EFCAB11: variants seen among roughly 807,000 people sequenced by gnomAD.
The protein encoded by EFCAB11 is EF-hand calcium binding domain 11.
EFCAB11 carries 14 observed loss-of-function variants against 23.0 expected under a neutral mutation model. The ratio of observed to expected loss-of-function variants is 0.61; its 90% CI spans 0.40 to 0.95. The LOEUF (loss-of-function observed/expected upper bound fraction) is 0.95, where lower values mean the gene tolerates loss of function less well. EFCAB11 is among the 40% of genes least tolerant of loss of function. EFCAB11 has a pLI of 0.00. For missense variants in EFCAB11, 198 were observed against 195.8 expected (o/e 1.01, Z -0.07); for synonymous variants, 65 against 66.6 (o/e 0.98, Z 0.11).
intron 3 of EFCAB11, among the ~76,000 whole-genome samples, chr14:89,942,375 G>T (rs1398455104): frequency 6.6e-6 from 1 of 152,038 alleles, no homozygotes; most frequent in Non-Finnish European, 1.5e-5. Context: ...TACTGTAAAA[G>T]GATTTTGCCA....
At chr14:89,951,494 A>C (rs984646066) in intron 2 of EFCAB11, among the ~76,000 whole-genome samples, 8 of 152,076 alleles carry the variant, frequency 5.3e-5, no homozygotes, top group Admixed American at 5.2e-4. Flanking sequence ...GGTATCTATC[A>C]CAGTTTTATG....
intron 5 of EFCAB11, among the ~76,000 whole-genome samples, chr14:89,810,305 T>C (rs1292927674): frequency 6.6e-6 from 1 of 152,224 alleles, no homozygotes; most frequent in East Asian, 1.9e-4. Flanking sequence ...TGTTGGCACT[T>C]TTCCTTCCGT....
At chr14:89,899,453 G>A (rs1889276283) in intron 5 of EFCAB11, among the ~76,000 whole-genome samples, 1 of 152,036 alleles carries the variant, frequency 6.6e-6, no homozygotes, top group Admixed American at 6.6e-5. Context: ...ACAGTCCCAG[G>A]CTTTTTTCTT....
Position 89,932,636 on chromosome 14 carries a change from T to C in EFCAB11, c.218-9A>G, listed in dbSNP as rs1182397353. On this transcript the variant is annotated splice_polypyrimidine_tract_variant and intron_variant, in intron 3 of 5. Transcript: ENST00000316738. ...CCCCTCGAGTAATATACCTAAAAGT[T>C]GGGGAAAAAACAATTTGTCAAAGAT... is the stretch of plus-strand genomic sequence containing the variant. The C allele has an allele frequency of 6.2e-7, 1 of 1,603,710 alleles. No individual in the cohort carries two copies. The highest frequency in any genetic ancestry group is 2.2e-5 in the East Asian group (1 of 44,744).
chr14:89,834,519 A>T (rs2140119019), intron 5 of EFCAB11, among the ~76,000 whole-genome samples: 1 of 152,196 alleles, frequency 6.6e-6, no homozygotes, highest in South Asian at 2.1e-4. Flanking sequence ...TGGGAGTGCA[A>T]GGAATTAGAA....
At chr14:89,876,606 G>C (rs1262701651) in intron 5 of EFCAB11, among the ~76,000 whole-genome samples, 1 of 152,032 alleles carries the variant, frequency 6.6e-6, no homozygotes, top group African/African-American at 2.4e-5. Flanking sequence ...TATTATGAAG[G>C]GTTCAGTTGG....
At chr14:89,859,029 A>G (rs1434338422) in intron 5 of EFCAB11, among the ~76,000 whole-genome samples, 1 of 152,178 alleles carries the variant, frequency 6.6e-6, no homozygotes, top group African/African-American at 2.4e-5. Context: ...TTAAGAAACA[A>G]TTTAAAATAA....
At chr14:89,935,734 T>A (rs1890558089) in intron 3 of EFCAB11, among the ~76,000 whole-genome samples, 1 of 152,142 alleles carries the variant, frequency 6.6e-6, no homozygotes, top group Non-Finnish European at 1.5e-5. Flanking sequence ...ATTAGCCAGG[T>A]GCGGTAGCTC....
intron 5 of EFCAB11, among the ~76,000 whole-genome samples, chr14:89,878,234 G>A (rs1888500335): frequency 6.6e-6 from 1 of 152,040 alleles, no homozygotes; most frequent in African/African-American, 2.4e-5. Flanking sequence ...TGGTATGTGG[G>A]GTTTGTATTG....
intron 5 of EFCAB11, among the ~76,000 whole-genome samples, chr14:89,925,973 T>C (rs555204761): frequency 4.1e-4 from 63 of 152,034 alleles, no homozygotes; most frequent in Non-Finnish European, 6.9e-4. Flanking sequence ...GGATTACAGG[T>C]ATGCACCACC....
At chr14:89,879,503 A>C (rs901300162) in intron 5 of EFCAB11, among the ~76,000 whole-genome samples, 1 of 152,152 alleles carries the variant, frequency 6.6e-6, no homozygotes, top group Non-Finnish European at 1.5e-5. Flanking sequence ...ACACAAAAAA[A>C]AACATAAACA....
At chr14:89,884,750 T>G (rs1888700794) in intron 5 of EFCAB11, among the ~76,000 whole-genome samples, 1 of 152,252 alleles carries the variant, frequency 6.6e-6, no homozygotes, top group Non-Finnish European at 1.5e-5. Flanking sequence ...CTGCTCTAAA[T>G]TCTGTGTCGA....
chr14:89,820,326 A>G (rs933053700), intron 5 of EFCAB11, among the ~76,000 whole-genome samples: 4 of 152,158 alleles, frequency 2.6e-5, no homozygotes, highest in African/African-American at 7.2e-5. Flanking sequence ...CACCAAAGAG[A>G]CAAAGAAACT....
In EFCAB11 at chr14:89,917,190, A is replaced by G. The variant is rs937081435; in HGVS notation, c.410+14351T>C. Among the ~76,000 whole-genome samples, 3 of 151,938 alleles carry G rather than the reference A, an allele frequency of 2.0e-5. No homozygotes were observed. The East Asian group carries it at 5.8e-4, about 29-fold the overall frequency. On this transcript the variant is annotated intron_variant, in intron 5 of 5. Coordinates refer to ENST00000316738, the MANE Select transcript of EFCAB11 (RefSeq NM_145231.4). ...TAGTTACCATGCTGTACACTAGATC[A>G]CTAGAATTCATTCACCCTGTAACTA...
chr14:89,885,962 A>G (rs1218085895), intron 5 of EFCAB11, among the ~76,000 whole-genome samples: 1 of 151,978 alleles, frequency 6.6e-6, no homozygotes, highest in African/African-American at 2.4e-5. Flanking sequence ...TAGCCAAGAT[A>G]ATTCTGAAGA....
At chr14:89,854,624 T>C (rs1887695559) in intron 5 of EFCAB11, among the ~76,000 whole-genome samples, 1 of 152,140 alleles carries the variant, frequency 6.6e-6, no homozygotes, top group African/African-American at 2.4e-5. Flanking sequence ...CATTTCTTGA[T>C]AAAATATCTT....
intron 5 of EFCAB11, among the ~76,000 whole-genome samples, chr14:89,913,204 G>GC (rs1889735237): frequency 6.6e-6 from 1 of 152,206 alleles, no homozygotes; most frequent in African/African-American, 2.4e-5. Context: ...TCAGCTCTGA[G>GC]ATGGAAGTAG....
At chr14:89,836,807 C>CTAG in intron 5 of EFCAB11, 1 of 390,138 alleles carries the variant, frequency 2.6e-6, no homozygotes, top group South Asian at 1.9e-5. Flanking sequence ...TCACTTGAGG[C>CTAG]TAGGAGCTCG....
At chr14:89,953,576 A>G (rs191188375) in intron 2 of EFCAB11, among the ~76,000 whole-genome samples, 1 of 152,354 alleles carries the variant, frequency 6.6e-6, no homozygotes, top group East Asian at 1.9e-4. Flanking sequence ...AAAACGAGAA[A>G]GAGACTATGT....
Sources: gnomAD v4.1 joint callset for allele counts (sites outside exome capture counted in the v4.1 genomes callset) on GRCh38, gnomAD v4.1.1 for gene constraint, MANE v1.5 for transcripts, NCBI Gene and HGNC (gene_info 2026-07-23, HGNC 2026-07-21) for gene names.